Variants in TM9SF3 observed in about 807,000 individuals in gnomAD.
The protein encoded by TM9SF3 is SM-11044-binding protein.
In TM9SF3, 14 loss-of-function variants were observed where a neutral mutation model predicts 78.6. The ratio of observed to expected loss-of-function variants is 0.18; its 90% CI spans 0.12 to 0.28. The LOEUF (loss-of-function observed/expected upper bound fraction) is 0.28, where lower values mean the gene tolerates loss of function less well. Among genes scored for constraint, TM9SF3 ranks in the 10% least tolerant of loss-of-function variants. The probability of loss-of-function intolerance (pLI) is 1.00; values close to 1 mark genes in which losing one functional copy is unlikely to be tolerated. For synonymous variants in TM9SF3, 231 were observed against 241.7 expected, an observed-to-expected ratio of 0.96 and a Z score of 0.41; for missense variants, 496 against 721.9, an observed-to-expected ratio of 0.69 and a Z score of 3.59.
chr10:96,550,624 G>C (rs1193558483), intron 7 of TM9SF3, among the ~76,000 whole-genome samples: 2 of 152,160 alleles, frequency 1.3e-5, no homozygotes, highest in Non-Finnish European at 2.9e-5. Flanking sequence ...GATCTTCTGT[G>C]AATGTGTAAC....
chr10:96,518,675 T>A lies in TM9SF3; in HGVS notation c.*3588A>T, dbSNP rs974679619. ...TCAGATGGCTTTTAGGAAATGCTCA[T>A]AGGAGAGAACTAGAGTTATTCCTCA... On this transcript the variant is annotated 3_prime_UTR_variant, in exon 15 of 15. Transcript: ENST00000371142. 6.6e-6 allele frequency: 1 copy of A among 152,136 alleles called. No individual in the cohort carries two copies. Among genetic ancestry groups the A allele is most frequent in the African/African-American group, 2.4e-5 (1 of 41,456 alleles). 9.4% of individuals were successfully genotyped at this position (152,136 alleles called of 1,614,324 possible). A position where few individuals can be genotyped will look rare whatever the true frequency, so the allele number is the denominator to read the frequency against.
Position 96,522,188 on chromosome 10 carries a change from T to C in TM9SF3, c.*75A>G. The C allele has an allele frequency of 7.8e-7, 1 of 1,280,576 alleles. No individual in the cohort carries two copies. Among genetic ancestry groups the C allele is most frequent in the Non-Finnish European group, 1.1e-6 (1 of 905,464 alleles). 79.3% of individuals were successfully genotyped at this position (1,280,576 alleles called of 1,614,324 possible). On this transcript the variant is annotated 3_prime_UTR_variant, in exon 15 of 15. Transcript: ENST00000371142. The stretch of plus-strand genomic sequence containing the variant: ...TTAAAGCCCAAATCTCTTCTTGCGT[T>C]TGTTTGTTTTTGCTGTGCAAGTTCC...
intron 10 of TM9SF3, among the ~76,000 whole-genome samples, chr10:96,530,926 G>C (rs546988477): frequency 3.3e-5 from 5 of 152,214 alleles, no homozygotes; most frequent in Non-Finnish European, 7.4e-5. Flanking sequence ...TAACTTCTTA[G>C]AACTCTACAG....
chr10:96,544,635 C>T (rs1476847023), intron 8 of TM9SF3, among the ~76,000 whole-genome samples: 1 of 152,104 alleles, frequency 6.6e-6, no homozygotes, highest in Non-Finnish European at 1.5e-5. Context: ...ATCCCAGGTG[C>T]CCTTACCCCT....
chr10:96,549,611 T>C (rs1033780914), intron 7 of TM9SF3, among the ~76,000 whole-genome samples: 8 of 152,142 alleles, frequency 5.3e-5, no homozygotes, highest in African/African-American at 1.9e-4. Flanking sequence ...TTGGCCACTT[T>C]TATATAATAA....
rs996970473 is a variant in TM9SF3 at position 96,569,052 on chromosome 10, G to T, written c.299-3626C>A. 3.3e-5 allele frequency among the ~76,000 whole-genome samples: 5 copies of T among 152,262 alleles called. No homozygotes were observed. In the South Asian group the frequency reaches 1.0e-3, roughly 32 times the overall value. On this transcript the variant is annotated intron_variant, in intron 2 of 14. Transcript: ENST00000371142. ...AAACCAGAAAAATTAGCCAGGCATG[G>T]TGGTGTGTGCCTATAGTTCCAGCTA...
intron 5 of TM9SF3, among the ~76,000 whole-genome samples, chr10:96,557,391 C>A (rs1261971647): frequency 9.7e-6 from 1 of 102,850 alleles, no homozygotes; most frequent in African/African-American, 4.1e-5. Context: ...CTATCAATCA[C>A]GAAATGCCGC....
chr10:96,521,028 T>C lies in TM9SF3; in HGVS notation c.*1235A>G, dbSNP rs1451544865. The C allele has an allele frequency of 7.4e-5, 29 of 393,190 alleles. No homozygotes were observed. The allele number at this position is 393,190 out of a possible 1,614,324, so 24.4% of individuals were successfully genotyped here. On this transcript the variant is annotated 3_prime_UTR_variant, in exon 15 of 15. Coordinates refer to ENST00000371142, the MANE Select transcript of TM9SF3 (RefSeq NM_020123.4). ...TTTGAACATTCTAAAGCAATAATGCTTTAGATGTTACTTAAGTGTCCCAGA... is the reference window on the plus strand; with the variant it reads ...TTTGAACATTCTAAAGCAATAATGCCTTAGATGTTACTTAAGTGTCCCAGA...
intron 4 of TM9SF3, among the ~76,000 whole-genome samples, chr10:96,561,190 C>T (rs150601180): frequency 0.013 from 1,961 of 152,256 alleles, 32 homozygotes; most frequent in Non-Finnish European, 0.016. Context: ...CGCCTCTCCT[C>T]TGACCATGTT....
rs746159225 is a variant in TM9SF3, at chr10:96,547,935, C to G, written c.1014G>C (p.Val338=). 1 of 1,613,574 alleles carries G rather than the reference C, an allele frequency of 6.2e-7. No individual in the cohort carries two copies. Among genetic ancestry groups the G allele is most frequent in the Non-Finnish European group, 8.5e-7 (1 of 1,179,864 alleles). The part of the protein sequence containing the change: ...AIFVYAATSP[V]NGYFGGSLYA... ...ACAGACTTCCTCCAAAATAACCATTCACTGGAGACGTAGCAGCATAGACAA... is the reference window on the plus strand; with the variant it reads ...ACAGACTTCCTCCAAAATAACCATTGACTGGAGACGTAGCAGCATAGACAA... Residue 338 remains valine (V), a synonymous_variant, in exon 8 of 15, where the codon GTG becomes GTC. Transcript: ENST00000371142.
At chr10:96,555,795 T>C (rs1029693204) in intron 5 of TM9SF3, among the ~76,000 whole-genome samples, 80 of 152,216 alleles carry the variant, frequency 5.3e-4, no homozygotes, top group African/African-American at 1.9e-3. Context: ...CATTTAAGGT[T>C]CATAAAAGCA....
chr10:96,570,812 C>T (rs1848429900), intron 2 of TM9SF3, among the ~76,000 whole-genome samples: 1 of 152,192 alleles, frequency 6.6e-6, no homozygotes, highest in South Asian at 2.1e-4. Context: ...GTGGTACAAT[C>T]TTGGCTCACT....
chr10:96,577,023 CCT>C (rs1211988494), intron 1 of TM9SF3, among the ~76,000 whole-genome samples, 194 bp from the exon 2 acceptor site: 2 of 152,036 alleles, frequency 1.3e-5, no homozygotes, highest in Non-Finnish European at 2.9e-5. Flanking sequence ...AAAATTATAT[CCT>C]CTGATTGTAG....
At position 96,554,348 on chromosome 10, in the gene TM9SF3, T is replaced by C. The variant is rs577859812; in HGVS notation, c.661-1289A>G. ...AAGAAGACATGTTCCAGTTCTTCCC[T>C]CACTTCCTCCAAAACACAATACAAT... On this transcript the variant is annotated intron_variant, in intron 5 of 14. Coordinates refer to ENST00000371142, the MANE Select transcript of TM9SF3 (RefSeq NM_020123.4). 7.2e-5 allele frequency among the ~76,000 whole-genome samples: 11 copies of C among 152,270 alleles called. No individual in the cohort carries two copies. The South Asian group carries it at 2.3e-3, about 32-fold the overall frequency.
chr10:96,548,054 T>A, intron 7 of TM9SF3, 65 bp from the exon 8 acceptor site: 3 of 983,418 alleles, frequency 3.1e-6, no homozygotes, highest in Non-Finnish European at 4.5e-6. Context: ...CATAGTCTAT[T>A]ATATTAGCAT....
intron 11 of TM9SF3, among the ~76,000 whole-genome samples, chr10:96,529,258 A>G (rs1305697136): frequency 6.6e-6 from 1 of 152,202 alleles, no homozygotes; most frequent in East Asian, 1.9e-4. Context: ...CTGGTAAGTG[A>G]CAACCAAGAG....
intron 2 of TM9SF3, among the ~76,000 whole-genome samples, chr10:96,571,389 C>T (rs550287284): frequency 1.3e-5 from 2 of 152,272 alleles, no homozygotes; most frequent in South Asian, 4.1e-4. Flanking sequence ...AGAACTTAAA[C>T]CAGAGGGGCT....
chr10:96,562,831 A>G (rs1848325247), intron 3 of TM9SF3, among the ~76,000 whole-genome samples: 1 of 152,256 alleles, frequency 6.6e-6, no homozygotes. Flanking sequence ...TACATCTCTC[A>G]TGCCCTCAGA....
chr10:96,551,774 A>C (rs2134143938), intron 6 of TM9SF3, among the ~76,000 whole-genome samples: 1 of 152,336 alleles, frequency 6.6e-6, no homozygotes, highest in South Asian at 2.1e-4. Flanking sequence ...ATATACAATC[A>C]GGGGCTAGGT....
Sources: gnomAD v4.1 joint callset for allele counts (sites outside exome capture counted in the v4.1 genomes callset) on GRCh38, gnomAD v4.1.1 for gene constraint, MANE v1.5 for transcripts, NCBI Gene and HGNC (gene_info 2026-07-23, HGNC 2026-07-21) for gene names.